Variants in ASIP observed in about 807,000 individuals in gnomAD.
ASIP encodes agouti-signaling protein.
ASIP carries 11 observed loss-of-function variants against 10.3 expected under a neutral mutation model. That is an observed-to-expected ratio of 1.07 (90% CI 0.68 to 1.78). ASIP has a LOEUF of 1.78. ASIP is among the 40% of genes most tolerant of loss of function. The probability of loss-of-function intolerance (pLI) is 0.00; values close to 1 mark genes in which losing one functional copy is unlikely to be tolerated. For missense variants in ASIP, 180 were observed against 169.2 expected (o/e 1.06, Z -0.35); for synonymous variants, 70 against 70.8 (o/e 0.99, Z 0.06).
At chr20:34,197,131 T>C (rs1009818288) in intron 1 of ASIP, among the ~76,000 whole-genome samples, 3 of 151,998 alleles carry the variant, frequency 2.0e-5, no homozygotes, top group African/African-American at 7.3e-5. Context: ...TCCCAACACT[T>C]TGGGAGGCTG....
At chr20:34,224,903 ATTC>A (rs1228572817) in intron 1 of ASIP, among the ~76,000 whole-genome samples, 12 of 143,212 alleles carry the variant, frequency 8.4e-5, no homozygotes, top group South Asian at 2.5e-4. Context: ...ATGCCACTTA[ATTC>A]TTTTTATTTT....
the ASIP span, among the ~76,000 whole-genome samples, chr20:34,186,638 A>G: frequency 2.6e-5 from 4 of 152,088 alleles, no homozygotes; most frequent in African/African-American, 4.8e-5. Context: ...TCATCACCAA[A>G]GCTGGAAAGA....
intron 1 of ASIP, among the ~76,000 whole-genome samples, chr20:34,196,723 G>A (rs1270030101): frequency 6.6e-6 from 1 of 152,168 alleles, no homozygotes; most frequent in Non-Finnish European, 1.5e-5. Flanking sequence ...GGTTCTGAGG[G>A]GTGAAGTACT....
At chr20:34,243,802 C>T (rs1469688646) in intron 1 of ASIP, among the ~76,000 whole-genome samples, 1 of 150,734 alleles carries the variant, frequency 6.6e-6, no homozygotes, top group Non-Finnish European at 1.5e-5. Flanking sequence ...CGGTGGCTCA[C>T]GCCTGTAATC....
chr20:34,238,447 T>C (rs1176171671), upstream of ASIP, among the ~76,000 whole-genome samples: 1 of 152,176 alleles, frequency 6.6e-6, no homozygotes, highest in African/African-American at 2.4e-5. Flanking sequence ...ATCCCTCTAG[T>C]GCATTTTTAA....
chr20:34,261,507 G>A (rs960039073), intron 2 of ASIP, among the ~76,000 whole-genome samples: 18 of 152,146 alleles, frequency 1.2e-4, no homozygotes, highest in African/African-American at 1.9e-4. Context: ...GGTAGCATGC[G>A]CCTGTAGTCC....
chr20:34,209,338 G>C (rs925428218), intron 1 of ASIP, among the ~76,000 whole-genome samples: 2 of 152,182 alleles, frequency 1.3e-5, no homozygotes, highest in Non-Finnish European at 2.9e-5. Flanking sequence ...GCAGGCAGGA[G>C]GCCTACCCTC....
chr20:34,269,221 C>G lies in ASIP; in HGVS notation c.*54C>G. ...AGGGCTTCGGGGACGCGGGGCGCTT[C>G]TCGGGCGGGTGATCCCTAACAGGGC... On this transcript the variant is annotated 3_prime_UTR_variant, in exon 4 of 4. Coordinates refer to ENST00000374954, the MANE Select transcript of ASIP (RefSeq NM_001672.3). 7.0e-7 allele frequency: 1 copy of G among 1,436,516 alleles called. No homozygotes were observed. 89.0% of individuals were successfully genotyped at this position (1,436,516 alleles called of 1,614,324 possible).
At chr20:34,224,779 G>A (rs1272856147) in intron 1 of ASIP, among the ~76,000 whole-genome samples, 1 of 152,014 alleles carries the variant, frequency 6.6e-6, no homozygotes. Context: ...CAACCAGGGT[G>A]CACTGACAAT....
chr20:34,217,752 C>T (rs1023406182), intron 1 of ASIP, among the ~76,000 whole-genome samples: 5 of 152,076 alleles, frequency 3.3e-5, no homozygotes, highest in African/African-American at 1.2e-4. Flanking sequence ...TTAGTAGAGA[C>T]GGGGTTTCAC....
At chr20:34,211,361 C>A (rs2034973686) in intron 1 of ASIP, among the ~76,000 whole-genome samples, 3 of 152,220 alleles carry the variant, frequency 2.0e-5, no homozygotes, top group African/African-American at 7.2e-5. Flanking sequence ...CCGTGCCCGG[C>A]CTCATTGCCA....
At chr20:34,245,333 CAAAA>C (rs1257990215) in intron 1 of ASIP, among the ~76,000 whole-genome samples, 1 of 63,600 alleles carries the variant, frequency 1.6e-5, no homozygotes, top group Admixed American at 1.8e-4. Flanking sequence ...GACTCTGTCT[CAAAA>C]AAAAAAAAAA....
chr20:34,216,470 T>C (rs2035009850), intron 1 of ASIP, among the ~76,000 whole-genome samples: 3 of 152,258 alleles, frequency 2.0e-5, no homozygotes, highest in Admixed American at 2.0e-4. Context: ...TATTTTTACT[T>C]TTATGGTTAG....
intron 1 of ASIP, among the ~76,000 whole-genome samples, chr20:34,205,387 C>T (rs181246620): frequency 6.6e-6 from 1 of 151,278 alleles, no homozygotes; most frequent in East Asian, 1.9e-4. Flanking sequence ...ATAGAGGCGG[C>T]GCATCCGGAG....
intron 1 of ASIP, among the ~76,000 whole-genome samples, chr20:34,232,942 A>T (rs1240345456): frequency 1.3e-5 from 2 of 152,166 alleles, no homozygotes; most frequent in African/African-American, 2.4e-5. Context: ...GACATAGAGA[A>T]CATTAACTGT....
intron 1 of ASIP, among the ~76,000 whole-genome samples, chr20:34,235,190 C>T (rs1371975326): frequency 6.6e-6 from 1 of 152,188 alleles, no homozygotes; most frequent in Admixed American, 6.5e-5. Flanking sequence ...GCCTGTAATC[C>T]CAGCACTTTG....
chr20:34,258,164 A>G (rs972366700), intron 1 of ASIP, among the ~76,000 whole-genome samples: 3 of 151,674 alleles, frequency 2.0e-5, no homozygotes, highest in African/African-American at 7.3e-5. Flanking sequence ...AGAGAGAAAG[A>G]AAGAAAAGAA....
rs1000123331 is a variant in ASIP, at chr20:34,269,080, A to G, written c.312A>G (p.Ala104=). The part of the protein sequence containing the change: ...VATRNSCKPP[A]PACCDPCASC... ...CCCGCAACAGCTGCAAGCCGCCGGC[A>G]CCCGCCTGCTGCGACCCGTGCGCCT... is the stretch of plus-strand genomic sequence containing the variant. The change falls in exon 4 of 4, where the codon GCA becomes GCG. Residue 104 remains alanine (A), a synonymous_variant. Transcript: ENST00000374954. 6.4e-7 allele frequency: 1 copy of G among 1,569,726 alleles called. No individual in the cohort carries two copies. The highest frequency in any genetic ancestry group is 1.4e-5 in the African/African-American group (1 of 73,546).
At chr20:34,218,787 T>C (rs982594639) in intron 1 of ASIP, among the ~76,000 whole-genome samples, 2 of 151,982 alleles carry the variant, frequency 1.3e-5, no homozygotes, top group Non-Finnish European at 2.9e-5. Flanking sequence ...CTCAGCCTCC[T>C]GGGTAGCTGG....
Sources: allele counts gnomAD v4.1 joint callset (sites outside exome capture counted in the v4.1 genomes callset), GRCh38; gene constraint gnomAD v4.1.1; transcripts MANE v1.5; gene names NCBI Gene and HGNC (gene_info 2026-07-23, HGNC 2026-07-21).